The following CHST9 variants were observed in gnomAD, a reference collection of about 807,000 sequenced individuals.
The protein encoded by CHST9 is GalNAc-4-sulfotransferase 2.
A neutral mutation model predicts 44.4 loss-of-function variants in CHST9; 41 were observed. The observed-to-expected ratio is 0.92, with a 90% CI of 0.72 to 1.20. The LOEUF (loss-of-function observed/expected upper bound fraction) is 1.20, where lower values mean the gene tolerates loss of function less well. CHST9 is among the 50% of genes most tolerant of loss of function. The pLI, the probability that CHST9 is intolerant of heterozygous loss-of-function variation, is 0.00. For synonymous variants in CHST9, 171 were observed against 178.4 expected, an observed-to-expected ratio of 0.96 and a Z score of 0.33; for missense variants, 504 against 516.5, an observed-to-expected ratio of 0.98 and a Z score of 0.23.
At chr18:27,174,163 A>AT (rs1174197469) in intron 1 of CHST9, among the ~76,000 whole-genome samples, 4 of 151,866 alleles carry the variant, frequency 2.6e-5, no homozygotes, top group South Asian at 2.1e-4. Context: ...TCCTTTATAG[A>AT]TTTTTTTTCA....
chr18:27,085,006 A>C (rs2057998055), intron 2 of CHST9, among the ~76,000 whole-genome samples: 1 of 152,066 alleles, frequency 6.6e-6, no homozygotes, highest in South Asian at 2.1e-4. Context: ...GTGGTGTGAG[A>C]GTATGGTTGG....
chr18:27,124,521 C>T (rs1186711683), intron 2 of CHST9, among the ~76,000 whole-genome samples: 1 of 152,180 alleles, frequency 6.6e-6, no homozygotes, highest in Non-Finnish European at 1.5e-5. Context: ...AGAATTAAAA[C>T]CCATTACATT....
At chr18:26,977,139 A>G (rs2056633019) in intron 4 of CHST9, among the ~76,000 whole-genome samples, 1 of 152,148 alleles carries the variant, frequency 6.6e-6, no homozygotes, top group Admixed American at 6.5e-5. Flanking sequence ...TCTAAGAAAA[A>G]TGTGCATCTC....
intron 2 of CHST9, among the ~76,000 whole-genome samples, chr18:27,059,201 G>A: frequency 6.6e-6 from 1 of 152,152 alleles, no homozygotes; most frequent in Non-Finnish European, 1.5e-5. Context: ...AAAGTAAAGT[G>A]GAGACTTGCC....
At chr18:26,942,833 G>A (rs536400723) in intron 5 of CHST9, among the ~76,000 whole-genome samples, 2 of 152,280 alleles carry the variant, frequency 1.3e-5, no homozygotes, top group African/African-American at 2.4e-5. Context: ...ACTAAGGGCC[G>A]GCGTGGTGGC....
chr18:27,181,046 G>T (rs1473532127), intron 1 of CHST9, among the ~76,000 whole-genome samples: 1 of 151,968 alleles, frequency 6.6e-6, no homozygotes, highest in African/African-American at 2.4e-5. Flanking sequence ...TATTCTGAAG[G>T]GTACATCTAC....
At chr18:27,092,196 A>G (rs1331459789) in intron 2 of CHST9, among the ~76,000 whole-genome samples, 1 of 152,168 alleles carries the variant, frequency 6.6e-6, no homozygotes, top group Admixed American at 6.5e-5. Context: ...CCAGGAATTT[A>G]TCCATTTCTC....
chr18:27,053,130 GGAAGAAGAA>G (rs200427246), intron 2 of CHST9, among the ~76,000 whole-genome samples: 3,202 of 71,066 alleles, frequency 0.045, 83 homozygotes, highest in Admixed American at 0.073. Context: ...AGGAAGAAGA[GGAAGAAGAA>G]GAAGAAGAAG....
At chr18:26,968,971 T>C (rs12954200) in intron 4 of CHST9, among the ~76,000 whole-genome samples, 44,315 of 151,326 alleles carry the variant, frequency 0.29, 7,641 homozygotes, top group African/African-American at 0.48. Flanking sequence ...CTCTGTTCCA[T>C]TGACCATTCT....
At chr18:26,945,178 A>T (rs2056144367) in intron 4 of CHST9, among the ~76,000 whole-genome samples, 1 of 152,196 alleles carries the variant, frequency 6.6e-6, no homozygotes, top group African/African-American at 2.4e-5. Flanking sequence ...CAAACATTTT[A>T]TTAAATGTGT....
intron 4 of CHST9, among the ~76,000 whole-genome samples, chr18:27,019,689 C>CAAAAAAAAAA (rs60043018): frequency 4.4e-5 from 4 of 91,312 alleles, no homozygotes; most frequent in Admixed American, 1.3e-4. Context: ...CACTACATGG[C>CAAAAAAAAAA]AAAAAAAAAA....
intron 1 of CHST9, among the ~76,000 whole-genome samples, chr18:27,167,042 G>A (rs1004661889): frequency 2.6e-5 from 4 of 152,150 alleles, no homozygotes; most frequent in Non-Finnish European, 4.4e-5. Context: ...GATTTTCCTG[G>A]GCCTCAACTT....
At chr18:26,987,843 G>A (rs2056772169) in intron 4 of CHST9, among the ~76,000 whole-genome samples, 1 of 152,132 alleles carries the variant, frequency 6.6e-6, no homozygotes, top group African/African-American at 2.4e-5. Flanking sequence ...AAGAGAAATT[G>A]GCAGTCTGCA....
At position 26,916,879 on chromosome 18, in the gene CHST9, C is replaced by T; in HGVS notation, c.712G>A (p.Ala238Thr). The T allele has an allele frequency of 6.2e-7, 1 of 1,613,872 alleles. No homozygotes were observed. The highest frequency in any genetic ancestry group is 8.5e-7 in the Non-Finnish European group (1 of 1,179,850). ...TGGGAGATGTTGTATGCAGAGGAAG[C>T]CAATCCATTTAGTACCATCAGAATT... ...KRILMVLNGL[A>T]SSAYNISHNA... Residue 238 changes from alanine (A) to threonine (T), a missense_variant, in exon 6 of 6, where the codon GCT (alanine) becomes ACT (threonine). Physicochemically the swap from Ala to Thr is moderately conservative, Grantham distance 58 (BLOSUM62 0). Coordinates refer to ENST00000618847, the MANE Select transcript of CHST9 (RefSeq NM_031422.6).
At chr18:27,085,629 G>T (rs1334416271) in intron 2 of CHST9, among the ~76,000 whole-genome samples, 2 of 152,096 alleles carry the variant, frequency 1.3e-5, no homozygotes, top group African/African-American at 4.8e-5. Context: ...ACAGATGTTG[G>T]CAAGGTTGTG....
At chr18:26,966,102 T>A (rs1159761537) in intron 4 of CHST9, among the ~76,000 whole-genome samples, 1 of 152,228 alleles carries the variant, frequency 6.6e-6, no homozygotes, top group South Asian at 2.1e-4. Context: ...TTCTAAAGTG[T>A]CTGGCAATCC....
At chr18:26,934,804 C>A (rs1336196389) in intron 5 of CHST9, 1 of 152,220 alleles carries the variant, frequency 6.6e-6, no homozygotes, top group Non-Finnish European at 1.5e-5. Flanking sequence ...GTTTTTAAAG[C>A]CTTCCACGAT....
intron 2 of CHST9, among the ~76,000 whole-genome samples, chr18:27,095,802 C>T (rs2058110845): frequency 6.6e-6 from 1 of 152,058 alleles, no homozygotes; most frequent in African/African-American, 2.4e-5. Flanking sequence ...ACTTCTAGTT[C>T]TCCAAAAAGA....
At chr18:26,949,120 G>C (rs1431890744) in intron 4 of CHST9, among the ~76,000 whole-genome samples, 3 of 152,156 alleles carry the variant, frequency 2.0e-5, no homozygotes, top group African/African-American at 4.8e-5. Context: ...GGTTGAAGGG[G>C]TAGTAGAGGT....
Sources: gnomAD v4.1 joint callset for allele counts (sites outside exome capture counted in the v4.1 genomes callset) on GRCh38, gnomAD v4.1.1 for gene constraint, MANE v1.5 for transcripts, NCBI Gene and HGNC (gene_info 2026-07-23, HGNC 2026-07-21) for gene names.